Variants in RBFOX3 observed in about 807,000 individuals in gnomAD.
RBFOX3 encodes the protein RNA binding protein fox-1 homolog 3.
A neutral mutation model predicts 48.7 loss-of-function variants in RBFOX3; 17 were observed. The observed-to-expected ratio is 0.35, with a 90% CI of 0.24 to 0.52. The LOEUF (loss-of-function observed/expected upper bound fraction) is 0.52, where lower values mean the gene tolerates loss of function less well. Ranked by LOEUF, RBFOX3 falls within the 20% of genes least tolerant of loss-of-function variation. The pLI is 0.94. For missense variants in RBFOX3, 382 were observed against 497.5 expected (o/e 0.77, Z 2.21); for synonymous variants, 212 against 209.5 (o/e 1.01, Z -0.10).
rs1010137066 is a variant in RBFOX3 at position 79,364,433 on chromosome 17, C to T, written c.-174-56609G>A. Among the ~76,000 whole-genome samples, 6 of 152,306 alleles carry T rather than the reference C, an allele frequency of 3.9e-5. No homozygotes were observed. The highest frequency in any genetic ancestry group is 5.9e-5 in the Non-Finnish European group (4 of 68,024). On this transcript the variant is annotated intron_variant, in intron 2 of 14. Coordinates refer to ENST00000693108, the MANE Select transcript of RBFOX3 (RefSeq NM_001350451.2). The surrounding 1 kb of genome is among the most constrained non-coding windows in gnomAD (Gnocchi z 5.1). ...AGATGCAGGTGGACTCTGAACTCTGCGAGGAAAGAGATGCTCTCTGCAGCT... is the reference window on the plus strand; with the variant it reads ...AGATGCAGGTGGACTCTGAACTCTGTGAGGAAAGAGATGCTCTCTGCAGCT...
At chr17:79,577,819 C>T (rs1004363380) in intron 1 of RBFOX3, among the ~76,000 whole-genome samples, 14 of 152,264 alleles carry the variant, frequency 9.2e-5, no homozygotes, top group East Asian at 1.9e-4. Flanking sequence ...AACTGGGGTA[C>T]GGTCCTCTCT....
chr17:79,477,510 C>G lies in RBFOX3; in HGVS notation c.-175+4944G>C, dbSNP rs752636281. Among the ~76,000 whole-genome samples, 2 of 151,664 alleles carry G rather than the reference C, an allele frequency of 1.3e-5. No individual in the cohort carries two copies. Among genetic ancestry groups the G allele is most frequent in the African/African-American group, 2.4e-5 (1 of 41,262 alleles). The stretch of plus-strand genomic sequence containing the variant: ...GGCGGAGTTTGCAGTGAGCTGAGAT[C>G]GCCCCATCGCACTCCAGCCTGGGCG... On this transcript the variant is annotated intron_variant, in intron 2 of 14. Transcript: ENST00000693108. This position sits in a 1 kb window ranked among gnomAD's most constrained non-coding sequence, Gnocchi z 4.8.
chr17:79,484,958 C>T (rs2079344626), intron 1 of RBFOX3, among the ~76,000 whole-genome samples: 1 of 152,202 alleles, frequency 6.6e-6, no homozygotes. Flanking sequence ...TAATAGGATA[C>T]ACTTCTGGTC....
intron 2 of RBFOX3, among the ~76,000 whole-genome samples, chr17:79,456,264 C>T (rs1042281862): frequency 5.9e-5 from 9 of 152,186 alleles, no homozygotes; most frequent in Non-Finnish European, 1.3e-4. Flanking sequence ...TCCTAACCCT[C>T]GTCCCGCCAA....
At chr17:79,280,890 G>T (rs1397046906) in intron 3 of RBFOX3, among the ~76,000 whole-genome samples, 1 of 151,710 alleles carries the variant, frequency 6.6e-6, no homozygotes, top group African/African-American at 2.4e-5. Context: ...GCACAGCTCT[G>T]CCATCCATCA....
At chr17:79,567,823 C>T (rs2092525128) in intron 1 of RBFOX3, among the ~76,000 whole-genome samples, 2 of 152,178 alleles carry the variant, frequency 1.3e-5, no homozygotes, top group African/African-American at 4.8e-5. Context: ...CAAGCCAGGG[C>T]TAGCCAAGTC....
intron 2 of RBFOX3, among the ~76,000 whole-genome samples, chr17:79,323,188 A>G (rs2078802389): frequency 6.6e-6 from 1 of 152,236 alleles, no homozygotes; most frequent in Non-Finnish European, 1.5e-5. Flanking sequence ...ATTGGAAATG[A>G]TGCTGGTGAA....
the RBFOX3 span, among the ~76,000 whole-genome samples, chr17:79,616,410 C>G: frequency 6.6e-6 from 1 of 151,934 alleles, no homozygotes; most frequent in Non-Finnish European, 1.5e-5. Context: ...GTGGAGGGCA[C>G]CTATAATCCC....
intron 1 of RBFOX3, among the ~76,000 whole-genome samples, chr17:79,585,300 A>C (rs1347272591): frequency 1.3e-5 from 2 of 152,124 alleles, no homozygotes; most frequent in Non-Finnish European, 2.9e-5. Context: ...TCACGCCTGT[A>C]ATCCCAGCAA....
intron 1 of RBFOX3, among the ~76,000 whole-genome samples, chr17:79,584,847 G>A (rs2093192919): frequency 1.3e-5 from 2 of 151,860 alleles, no homozygotes; most frequent in African/African-American, 4.8e-5. Flanking sequence ...CTCACTGCAA[G>A]CTCCACCTCC....
chr17:79,550,128 C>T (rs1047905516), intron 1 of RBFOX3, among the ~76,000 whole-genome samples: 6 of 152,174 alleles, frequency 3.9e-5, no homozygotes, highest in African/African-American at 1.4e-4. Flanking sequence ...GCCTGTGAAC[C>T]TGAACACAAA....
chr17:79,484,817 C>T (rs1454062242), intron 1 of RBFOX3, among the ~76,000 whole-genome samples: 1 of 152,272 alleles, frequency 6.6e-6, no homozygotes, highest in African/African-American at 2.4e-5. Context: ...TGAAGATCTG[C>T]ACCTAGCCTC....
intron 2 of RBFOX3, among the ~76,000 whole-genome samples, chr17:79,476,615 G>C (rs1214460896): frequency 1.3e-5 from 2 of 152,188 alleles, no homozygotes. Flanking sequence ...AAAGGAAAGA[G>C]GGGATAAGGC....
chr17:79,232,230 C>T (rs757451934), intron 4 of RBFOX3, among the ~76,000 whole-genome samples: 6 of 152,118 alleles, frequency 3.9e-5, no homozygotes, highest in Non-Finnish European at 5.9e-5. Flanking sequence ...AATTCAATCC[C>T]GATCAAAATC....
intron 4 of RBFOX3, among the ~76,000 whole-genome samples, chr17:79,125,588 A>G (rs1599552068): frequency 6.6e-6 from 1 of 151,640 alleles, no homozygotes; most frequent in South Asian, 2.1e-4. Context: ...AGGCTGGCCA[A>G]TGGTCTGGCC....
At chr17:79,235,645 TC>T (rs1314772393) in intron 4 of RBFOX3, 120 bp downstream of exon 4, 2 of 153,412 alleles carry the variant, frequency 1.3e-5, no homozygotes, top group Non-Finnish European at 2.9e-5. Flanking sequence ...AAACTCTTCC[TC>T]CCTCCAGTGG....
chr17:79,402,546 C>T (rs546931611), intron 2 of RBFOX3, among the ~76,000 whole-genome samples: 5 of 152,150 alleles, frequency 3.3e-5, no homozygotes, highest in Non-Finnish European at 7.4e-5. Context: ...CAGGGGGCCC[C>T]GCGGGGCGGA....
chr17:79,310,280 T>C (rs1234237446), intron 2 of RBFOX3, among the ~76,000 whole-genome samples: 1 of 152,150 alleles, frequency 6.6e-6, no homozygotes, highest in African/African-American at 2.4e-5. Flanking sequence ...GGGGGTTAAG[T>C]CCAGATTCCT....
intron 2 of RBFOX3, among the ~76,000 whole-genome samples, chr17:79,424,635 T>A (rs1260892139): frequency 2.0e-5 from 3 of 152,088 alleles, no homozygotes; most frequent in Non-Finnish European, 4.4e-5. Context: ...AAGGGCTCGG[T>A]CCAGCCCTGG....
Sources: gnomAD v4.1 joint callset for allele counts (sites outside exome capture counted in the v4.1 genomes callset) on GRCh38, gnomAD v4.1.1 for gene constraint, Gnocchi (gnomAD v3.1) non-coding constraint, MANE v1.5 for transcripts, NCBI Gene and HGNC (gene_info 2026-07-23, HGNC 2026-07-21) for gene names.